WIPF1: variants seen among roughly 807,000 people sequenced by gnomAD.
WIPF1 encodes the protein WAS/WASL-interacting protein family member 1.
In WIPF1, 13 loss-of-function variants were observed where a neutral mutation model predicts 35.4. That is an observed-to-expected ratio of 0.37 (90% confidence interval 0.24 to 0.58). The LOEUF is 0.58. Ranked by LOEUF, WIPF1 falls within the 20% of genes least tolerant of loss-of-function variation. The probability of loss-of-function intolerance (pLI) is 0.74; values close to 1 mark genes in which losing one functional copy is unlikely to be tolerated. For missense variants in WIPF1, 591 were observed against 667.0 expected, an observed-to-expected ratio of 0.89 and a Z score of 1.25; for synonymous variants, 267 against 266.3, an observed-to-expected ratio of 1.00 and a Z score of -0.02.
At chr2:174,620,024 A>C (rs1686626702) in intron 1 of WIPF1, among the ~76,000 whole-genome samples, 1 of 152,176 alleles carries the variant, frequency 6.6e-6, no homozygotes, top group African/African-American at 2.4e-5. Context: ...CCTTTATCTT[A>C]ATTTGATTTC....
At chr2:174,578,470 A>G (rs1242018619) in intron 3 of WIPF1, among the ~76,000 whole-genome samples, 1 of 152,222 alleles carries the variant, frequency 6.6e-6, no homozygotes, top group Non-Finnish European at 1.5e-5. Flanking sequence ...GTAATTTAAT[A>G]AAGTTTTTAT....
chr2:174,618,961 C>T (rs1201483679), intron 1 of WIPF1, among the ~76,000 whole-genome samples: 1 of 152,140 alleles, frequency 6.6e-6, no homozygotes, highest in Non-Finnish European at 1.5e-5. Flanking sequence ...CACACACACA[C>T]ACGCACACAG....
chr2:174,609,726 G>T (rs1368889557), intron 1 of WIPF1, among the ~76,000 whole-genome samples: 1 of 152,216 alleles, frequency 6.6e-6, no homozygotes, highest in African/African-American at 2.4e-5. Context: ...GTTATTACAA[G>T]TGGGCACGGG....
At chr2:174,574,743 T>A in intron 4 of WIPF1, 2 of 638,278 alleles carry the variant, frequency 3.1e-6, no homozygotes, top group South Asian at 3.8e-5. Flanking sequence ...TGCAAAACAC[T>A]TTTTCAGATT....
At chr2:174,637,562 T>C (rs1574854406) in intron 1 of WIPF1, among the ~76,000 whole-genome samples, 1 of 152,036 alleles carries the variant, frequency 6.6e-6, no homozygotes, top group Admixed American at 6.6e-5. Context: ...CCTAGGCGGG[T>C]GGATTACGAG....
intron 1 of WIPF1, among the ~76,000 whole-genome samples, chr2:174,597,202 G>A (rs1685847645): frequency 6.6e-6 from 1 of 152,122 alleles, no homozygotes; most frequent in Admixed American, 6.5e-5. Context: ...GCTTCCAATG[G>A]CTCCTTGTAC....
chr2:174,611,327 TG>T (rs1686337672), intron 1 of WIPF1, among the ~76,000 whole-genome samples: 1 of 152,106 alleles, frequency 6.6e-6, no homozygotes, highest in South Asian at 2.1e-4. Flanking sequence ...CAAAGTCCTT[TG>T]GGGGTTAGTC....
rs115143937 is a variant in WIPF1 at position 174,670,917 on chromosome 2, G to A, written c.-39+11857C>T. Reference sequence around the variant, plus strand: ...CTGTACAAAGTATTCATTAGTTAGCGACGACCTCTGCCTTCTATGAAGCTA... The same window carrying A: ...CTGTACAAAGTATTCATTAGTTAGCAACGACCTCTGCCTTCTATGAAGCTA... On this transcript the variant is annotated intron_variant, in intron 1 of 8. Coordinates refer to the WIPF1 transcript ENST00000272746. Among the ~76,000 whole-genome samples the A allele has an allele frequency of 6.7e-3, 1,013 of 152,296 alleles. 9 individuals are homozygous for A. Among genetic ancestry groups the A allele is most frequent in the African/African-American group, 0.021 (886 of 41,570 alleles).
At chr2:174,667,027 T>C (rs898071207) in intron 1 of WIPF1, among the ~76,000 whole-genome samples, 8 of 152,248 alleles carry the variant, frequency 5.3e-5, no homozygotes, top group Non-Finnish European at 1.0e-4. Flanking sequence ...CCTGAAAACC[T>C]TGCTGTATCA....
At chr2:174,645,694 T>A (rs1249988314) in intron 1 of WIPF1, among the ~76,000 whole-genome samples, 7 of 152,228 alleles carry the variant, frequency 4.6e-5, no homozygotes, top group Non-Finnish European at 7.3e-5. Flanking sequence ...TGATGTGATC[T>A]AAGCCAAAAT....
chr2:174,592,733 G>A (rs1685661043), intron 1 of WIPF1, among the ~76,000 whole-genome samples: 1 of 151,682 alleles, frequency 6.6e-6, no homozygotes, highest in Admixed American at 6.6e-5. Context: ...AGCCTCCCGA[G>A]TAGCTGGGAT....
rs530984477 is a variant in WIPF1, at chr2:174,660,383, G to A, written c.-39+22391C>T. Reference sequence around the variant, plus strand: ...TGTAAAATAATAATAATTTTAAAAGGCAGCAAGATACATAGTAGGTGCTCT... The same window carrying A: ...TGTAAAATAATAATAATTTTAAAAGACAGCAAGATACATAGTAGGTGCTCT... On this transcript the variant is annotated intron_variant, in intron 1 of 8. Coordinates refer to the WIPF1 transcript ENST00000272746. Among the ~76,000 whole-genome samples the A allele has an allele frequency of 1.3e-4, 20 of 152,260 alleles. No individual in the cohort carries two copies. The East Asian group carries it at 3.7e-3, about 28-fold the overall frequency.
intron 1 of WIPF1, among the ~76,000 whole-genome samples, chr2:174,654,520 G>T (rs1687603123): frequency 6.6e-6 from 1 of 151,894 alleles, no homozygotes; most frequent in African/African-American, 2.4e-5. Flanking sequence ...TAAAAAGGAG[G>T]CACAAAAGAA....
At chr2:174,584,842 G>A (rs1685352547) in intron 2 of WIPF1, among the ~76,000 whole-genome samples, 2 of 151,906 alleles carry the variant, frequency 1.3e-5, no homozygotes, top group Admixed American at 1.3e-4. Context: ...AACGGGAGGT[G>A]GAAGTTGCGG....
intron 1 of WIPF1, among the ~76,000 whole-genome samples, chr2:174,604,159 T>A (rs1233859986): frequency 1.3e-5 from 2 of 152,236 alleles, no homozygotes; most frequent in African/African-American, 4.8e-5. Context: ...TACAAATGCA[T>A]ATCACTACAG....
At chr2:174,667,894 T>TATAAA (rs1687925904) in intron 1 of WIPF1, among the ~76,000 whole-genome samples, 1 of 152,202 alleles carries the variant, frequency 6.6e-6, no homozygotes, top group African/African-American at 2.4e-5. Context: ...TTTGATTCTC[T>TATAAA]CACCCCCAAA....
At chr2:174,627,557 T>A (rs1196135167) in intron 1 of WIPF1, among the ~76,000 whole-genome samples, 2 of 151,078 alleles carry the variant, frequency 1.3e-5, no homozygotes, top group Non-Finnish European at 3.0e-5. Flanking sequence ...TCTTTTTTTT[T>A]TTTGAGACAG....
intron 1 of WIPF1, among the ~76,000 whole-genome samples, chr2:174,680,563 C>T (rs1226408882): frequency 6.6e-6 from 1 of 152,184 alleles, no homozygotes; most frequent in Non-Finnish European, 1.5e-5. Flanking sequence ...TTCATTTATT[C>T]TCTCAGTATG....
chr2:174,674,860 A>G (rs1215890014), intron 1 of WIPF1, among the ~76,000 whole-genome samples: 1 of 151,458 alleles, frequency 6.6e-6, no homozygotes. Context: ...AGAGACTCTG[A>G]CAGACAGAAA....
Sources: allele counts gnomAD v4.1 joint callset (sites outside exome capture counted in the v4.1 genomes callset), GRCh38; gene constraint gnomAD v4.1.1; transcripts MANE v1.5; gene names NCBI Gene and HGNC (gene_info 2026-07-23, HGNC 2026-07-21).